FCHSD2: variants seen among roughly 807,000 people sequenced by gnomAD.
FCHSD2 encodes F-BAR and double SH3 domains protein 2.
In FCHSD2, 38 loss-of-function variants were observed where a neutral mutation model predicts 108.1. That is an observed-to-expected ratio of 0.35 (90% confidence interval 0.27 to 0.46). The LOEUF (loss-of-function observed/expected upper bound fraction) is 0.46. Ranked by LOEUF, FCHSD2 falls within the 20% of genes least tolerant of loss-of-function variation. The probability of loss-of-function intolerance (pLI) is 1.00; values close to 1 mark genes in which losing one functional copy is unlikely to be tolerated. For synonymous variants in FCHSD2, 279 were observed against 314.7 expected (o/e 0.89, Z 1.20); for missense variants, 751 against 897.8 (o/e 0.84, Z 2.09).
chr11:73,053,953 A>C (rs1858961839), intron 3 of FCHSD2, among the ~76,000 whole-genome samples: 1 of 152,138 alleles, frequency 6.6e-6, no homozygotes, highest in African/African-American at 2.4e-5. Flanking sequence ...CCAATAATTC[A>C]CTTTTATTGT....
intron 11 of FCHSD2, among the ~76,000 whole-genome samples, chr11:72,888,464 T>C (rs1855244127): frequency 6.6e-6 from 1 of 152,042 alleles, no homozygotes; most frequent in South Asian, 2.1e-4. Context: ...CTATAGATAA[T>C]AAGCATAGGC....
intron 8 of FCHSD2, among the ~76,000 whole-genome samples, chr11:72,951,973 C>T (rs1856628665): frequency 6.6e-6 from 1 of 152,168 alleles, no homozygotes; most frequent in South Asian, 2.1e-4. Context: ...CTTTCAGAAT[C>T]TACATATTGT....
chr11:72,944,298 C>A (rs1205125989), intron 8 of FCHSD2, among the ~76,000 whole-genome samples: 1 of 152,088 alleles, frequency 6.6e-6, no homozygotes, highest in Non-Finnish European at 1.5e-5. Context: ...ACGACAAAAA[C>A]CATATGATTA....
chr11:73,101,621 G>C (rs372572079), intron 2 of FCHSD2, among the ~76,000 whole-genome samples: 6 of 151,688 alleles, frequency 4.0e-5, no homozygotes, highest in African/African-American at 1.5e-4. Context: ...ATTTTTTGTA[G>C]AGACAGGATC....
intron 8 of FCHSD2, among the ~76,000 whole-genome samples, chr11:72,981,459 A>G (rs1285220376): frequency 6.6e-6 from 1 of 152,046 alleles, no homozygotes; most frequent in African/African-American, 2.4e-5. Flanking sequence ...GATCCAATAG[A>G]AAAAAAATAG....
At chr11:73,086,467 A>T (rs938484910) in intron 2 of FCHSD2, among the ~76,000 whole-genome samples, 1 of 152,180 alleles carries the variant, frequency 6.6e-6, no homozygotes, top group Non-Finnish European at 1.5e-5. Flanking sequence ...CTAACTTTAC[A>T]ACTTAAGGAA....
At chr11:73,120,642 T>C (rs1440594582) in intron 2 of FCHSD2, among the ~76,000 whole-genome samples, 1 of 152,044 alleles carries the variant, frequency 6.6e-6, no homozygotes, top group African/African-American at 2.4e-5. Context: ...GGCTGGAGAA[T>C]CATTTCATCT....
At chr11:73,124,315 C>T (rs1334837964) in intron 2 of FCHSD2, among the ~76,000 whole-genome samples, 2 of 151,960 alleles carry the variant, frequency 1.3e-5, no homozygotes, top group African/African-American at 4.8e-5. Flanking sequence ...ATGTAAATGA[C>T]GAGTTAATGG....
chr11:72,880,828 A>G (rs1172066476), intron 12 of FCHSD2, among the ~76,000 whole-genome samples: 1 of 151,214 alleles, frequency 6.6e-6, no homozygotes, highest in Non-Finnish European at 1.5e-5. Flanking sequence ...TGACTGTGCC[A>G]CTGCACTCCA....
At chr11:72,862,696 C>G (rs897608044) in intron 13 of FCHSD2, among the ~76,000 whole-genome samples, 1 of 152,160 alleles carries the variant, frequency 6.6e-6, no homozygotes, top group African/African-American at 2.4e-5. Flanking sequence ...TAATAAAAAT[C>G]CTGATAGGCT....
intron 3 of FCHSD2, among the ~76,000 whole-genome samples, chr11:73,069,938 C>G: frequency 6.6e-6 from 1 of 152,032 alleles, no homozygotes; most frequent in Non-Finnish European, 1.5e-5. Flanking sequence ...AAAACAGAGT[C>G]ACAGAAAATT....
chr11:72,845,061 C>T (rs956609584), intron 14 of FCHSD2, among the ~76,000 whole-genome samples: 17 of 152,132 alleles, frequency 1.1e-4, no homozygotes, highest in African/African-American at 1.9e-4. Flanking sequence ...CACGACCAGA[C>T]GTTAATGTAT....
intron 12 of FCHSD2, among the ~76,000 whole-genome samples, chr11:72,883,427 G>C (rs1404361139): frequency 6.6e-6 from 1 of 152,110 alleles, no homozygotes; most frequent in Non-Finnish European, 1.5e-5. Context: ...CTAGTATCCA[G>C]AAAACATAAA....
At chr11:72,965,423 T>G (rs902800346) in intron 8 of FCHSD2, among the ~76,000 whole-genome samples, 2 of 152,250 alleles carry the variant, frequency 1.3e-5, no homozygotes, top group African/African-American at 4.8e-5. Flanking sequence ...TGCCTTACAT[T>G]CTACCAGGTG....
At chr11:72,839,284 C>T (rs1037308277) in intron 19 of FCHSD2, among the ~76,000 whole-genome samples, 10 of 152,300 alleles carry the variant, frequency 6.6e-5, no homozygotes, top group Admixed American at 3.9e-4. Context: ...CCTTGTTAAA[C>T]CATGTTTAAA....
chr11:72,894,017 G>A (rs999560472), intron 10 of FCHSD2, among the ~76,000 whole-genome samples: 3 of 152,104 alleles, frequency 2.0e-5, no homozygotes, highest in Non-Finnish European at 2.9e-5. Context: ...AGCTGACTTC[G>A]CAGAAGAAAA....
rs1861089384 is a variant in FCHSD2, at chr11:73,134,994, T to C, written c.119+5037A>G. On this transcript the variant is annotated intron_variant, in intron 2 of 19. Coordinates refer to ENST00000409418, the MANE Select transcript of FCHSD2 (RefSeq NM_014824.3). ...CAAGTAGCTAGAGTAGCTAGGATTA[T>C]AGGTGTGCGCCACCATGCACACCTA... Among the ~76,000 whole-genome samples the C allele has an allele frequency of 2.0e-5, 3 of 152,172 alleles. No individual in the cohort carries two copies. In the South Asian group the frequency reaches 6.2e-4, roughly 32 times the overall value.
chr11:72,863,583 T>C (rs549659237), intron 13 of FCHSD2, among the ~76,000 whole-genome samples: 14 of 152,084 alleles, frequency 9.2e-5, no homozygotes, highest in African/African-American at 3.4e-4. Context: ...TAGAAGAAAA[T>C]TGCATAAATC....
chr11:72,941,501 T>C (rs897039738), intron 8 of FCHSD2, among the ~76,000 whole-genome samples: 4 of 126,964 alleles, frequency 3.2e-5, no homozygotes, highest in Admixed American at 2.5e-4. Context: ...TACTTATTAT[T>C]ACTTTATCAT....
Sources: gnomAD v4.1 joint callset for allele counts (sites outside exome capture counted in the v4.1 genomes callset) on GRCh38, gnomAD v4.1.1 for gene constraint, MANE v1.5 for transcripts, NCBI Gene and HGNC (gene_info 2026-07-23, HGNC 2026-07-21) for gene names.